Variants in RBFOX1 observed in about 807,000 individuals in gnomAD.
The protein encoded by RBFOX1 is RNA binding fox-1 homolog 1, also known as RNA binding protein fox-1 homolog 1.
RBFOX1 carries 8 observed loss-of-function variants against 57.7 expected under a neutral mutation model. The ratio of observed to expected loss-of-function variants is 0.14; its 90% CI spans 0.08 to 0.25. RBFOX1 has a LOEUF of 0.25. Ranked by LOEUF, RBFOX1 falls within the 10% of genes least tolerant of loss-of-function variation. RBFOX1 has a pLI of 1.00. For synonymous variants in RBFOX1, 326 were observed against 222.4 expected, an observed-to-expected ratio of 1.47 and a Z score of -4.15; for missense variants, 611 against 548.5, an observed-to-expected ratio of 1.11 and a Z score of -1.14.
At chr16:7,080,361 C>T (rs1598917089) in intron 4 of RBFOX1, among the ~76,000 whole-genome samples, 1 of 152,128 alleles carries the variant, frequency 6.6e-6, no homozygotes, top group African/African-American at 2.4e-5. Context: ...CCTTCTTCGG[C>T]TTCCTAAATC....
At chr16:5,568,362 C>G (rs537450622) in intron 2 of RBFOX1, among the ~76,000 whole-genome samples, 1 of 152,306 alleles carries the variant, frequency 6.6e-6, no homozygotes, top group East Asian at 1.9e-4. Context: ...CTCCTCTTCC[C>G]TCCTTGCTTA....
At chr16:7,564,223 C>G (rs1258744814) in intron 5 of RBFOX1, among the ~76,000 whole-genome samples, 1 of 152,054 alleles carries the variant, frequency 6.6e-6, no homozygotes, top group Non-Finnish European at 1.5e-5. Flanking sequence ...GCTTCCCTCC[C>G]TCTTCCATCT....
At chr16:7,191,008 C>A (rs1602422968) in intron 4 of RBFOX1, among the ~76,000 whole-genome samples, 1 of 151,980 alleles carries the variant, frequency 6.6e-6, no homozygotes, top group African/African-American at 2.4e-5. Context: ...GTATGCCTGT[C>A]TCCCACCCCC....
intron 4 of RBFOX1, among the ~76,000 whole-genome samples, chr16:7,067,000 C>T (rs1041321739): frequency 3.3e-5 from 5 of 152,126 alleles, no homozygotes; most frequent in African/African-American, 1.2e-4. Context: ...ATGCTCCTAA[C>T]AAACAGTAAC....
At chr16:7,295,024 T>A (rs1407090884) in intron 4 of RBFOX1, among the ~76,000 whole-genome samples, 9 of 152,182 alleles carry the variant, frequency 5.9e-5, no homozygotes. Context: ...AAAAATTAAT[T>A]ACCATCTGGC....
At chr16:6,552,143 C>G (rs1039736607) in intron 2 of RBFOX1, among the ~76,000 whole-genome samples, 25 of 152,150 alleles carry the variant, frequency 1.6e-4, no homozygotes, top group African/African-American at 6.0e-4. Context: ...TGTGGCTAAG[C>G]TATGCCCACA....
intron 2 of RBFOX1, among the ~76,000 whole-genome samples, chr16:6,485,515 G>A (rs1016716742): frequency 1.3e-5 from 2 of 151,292 alleles, no homozygotes; most frequent in South Asian, 2.1e-4. Context: ...TGTTTTGCAC[G>A]CTGGAGGATC....
rs1025726067 is a variant in RBFOX1, at chr16:7,153,205, A to T, written c.27+101107A>T. ...TGGTGGACATAATCATTTTTTTTTT[A>T]AATTCTGCAATAACTCAACTTTGAG... On this transcript the variant is annotated intron_variant, in intron 4 of 15. Transcript: ENST00000550418. Among the ~76,000 whole-genome samples, 16 of 148,314 alleles carry T rather than the reference A, an allele frequency of 1.1e-4. No homozygotes were observed. In the East Asian group the frequency reaches 1.6e-3, roughly 15 times the overall value.
chr16:6,108,188 C>G (rs915623249), intron 1 of RBFOX1, among the ~76,000 whole-genome samples: 1 of 152,084 alleles, frequency 6.6e-6, no homozygotes, highest in Non-Finnish European at 1.5e-5. Context: ...ATGCAATATA[C>G]ATGTCTCTGT....
chr16:6,143,411 A>G (rs2096733760), intron 1 of RBFOX1, among the ~76,000 whole-genome samples: 1 of 152,218 alleles, frequency 6.6e-6, no homozygotes, highest in African/African-American at 2.4e-5. Flanking sequence ...ATTTCATCAA[A>G]TCACAATGCA....
chr16:6,785,467 G>T (rs1186644429), intron 3 of RBFOX1, among the ~76,000 whole-genome samples: 2 of 152,086 alleles, frequency 1.3e-5, no homozygotes, highest in African/African-American at 4.8e-5. Flanking sequence ...TAGACAATTG[G>T]CAATAAAAGC....
chr16:7,182,951 C>T (rs1005180259), intron 4 of RBFOX1, among the ~76,000 whole-genome samples: 1 of 152,202 alleles, frequency 6.6e-6, no homozygotes, highest in Admixed American at 6.5e-5. Flanking sequence ...GCTTGTTTAT[C>T]ATATGCACCT....
intron 4 of RBFOX1, among the ~76,000 whole-genome samples, chr16:7,210,157 T>C (rs1465684851): frequency 1.3e-5 from 2 of 152,180 alleles, no homozygotes; most frequent in African/African-American, 2.4e-5. Context: ...ATAATGATGA[T>C]GACAATGATT....
At chr16:5,676,115 AG>A (rs2050161823) in intron 3 of RBFOX1, among the ~76,000 whole-genome samples, 2 of 152,108 alleles carry the variant, frequency 1.3e-5, no homozygotes, top group South Asian at 4.1e-4. Context: ...GGGGAGGGAG[AG>A]CATTAGGACA....
intron 1 of RBFOX1, among the ~76,000 whole-genome samples, chr16:6,043,725 G>A (rs143861242): frequency 1.3e-5 from 2 of 152,182 alleles, no homozygotes; most frequent in Admixed American, 1.3e-4. Context: ...CAGGAAGCCA[G>A]TATGGAAGGA....
At chr16:6,877,929 A>G (rs1400818709) in intron 3 of RBFOX1, among the ~76,000 whole-genome samples, 1 of 152,200 alleles carries the variant, frequency 6.6e-6, no homozygotes, top group African/African-American at 2.4e-5. Context: ...GTTGCAAAAC[A>G]TACACAGAGT....
intron 3 of RBFOX1, among the ~76,000 whole-genome samples, chr16:5,740,785 G>A (rs902372965): frequency 1.3e-5 from 2 of 152,154 alleles, no homozygotes; most frequent in Non-Finnish European, 2.9e-5. Flanking sequence ...CAGCAGAAAA[G>A]AATGTTTCTT....
At chr16:6,980,161 C>T (rs71374924) in intron 3 of RBFOX1, among the ~76,000 whole-genome samples, 1,981 of 152,280 alleles carry the variant, frequency 0.013, 36 homozygotes, top group Non-Finnish European at 0.017. Context: ...TCAATTAAGC[C>T]TCCGCAGTTA....
At chr16:7,382,276 G>A (rs2097793027) in intron 4 of RBFOX1, among the ~76,000 whole-genome samples, 1 of 152,124 alleles carries the variant, frequency 6.6e-6, no homozygotes, top group Non-Finnish European at 1.5e-5. Flanking sequence ...TAACAGTTGA[G>A]ATTTATCTCA....
Sources: allele counts gnomAD v4.1 joint callset (sites outside exome capture counted in the v4.1 genomes callset), GRCh38; gene constraint gnomAD v4.1.1; transcripts MANE v1.5; gene names NCBI Gene and HGNC (gene_info 2026-07-23, HGNC 2026-07-21).